DHX35: variants seen among roughly 807,000 people sequenced by gnomAD.
The protein encoded by DHX35 is probable ATP-dependent RNA helicase DHX35.
A neutral mutation model predicts 99.6 loss-of-function variants in DHX35; 84 were observed. That is an observed-to-expected ratio of 0.84 (90% CI 0.71 to 1.01). DHX35 has a LOEUF of 1.01. DHX35 is among the 50% of genes least tolerant of loss of function. DHX35 has a pLI of 0.00. For missense variants in DHX35, 852 were observed against 888.5 expected, an observed-to-expected ratio of 0.96 and a Z score of 0.52; for synonymous variants, 331 against 316.2, an observed-to-expected ratio of 1.05 and a Z score of -0.50.
intron 13 of DHX35, among the ~76,000 whole-genome samples, chr20:39,013,556 A>T (rs1026259189): frequency 6.6e-6 from 1 of 152,214 alleles, no homozygotes; most frequent in African/African-American, 2.4e-5. Context: ...TTTTGTGGAG[A>T]GGGGGATAAG....
intron 17 of DHX35, among the ~76,000 whole-genome samples, 178 bp from the exon 18 acceptor site, chr20:39,025,052 G>A (rs181361556): frequency 1.1e-3 from 168 of 152,324 alleles, no homozygotes; most frequent in African/African-American, 4.0e-3. Flanking sequence ...GCAGTCAGAT[G>A]TGTGCAAGGT....
At chr20:38,981,609 A>G (rs1262194786) in intron 3 of DHX35, among the ~76,000 whole-genome samples, 1 of 151,952 alleles carries the variant, frequency 6.6e-6, no homozygotes, top group Non-Finnish European at 1.5e-5. Flanking sequence ...TTTTTCCTAC[A>G]CAAGCCCTGG....
intron 3 of DHX35, among the ~76,000 whole-genome samples, chr20:38,973,536 T>C (rs1486107881): frequency 2.0e-5 from 3 of 152,238 alleles, no homozygotes; most frequent in Non-Finnish European, 1.5e-5. Context: ...TTCTGGCTAC[T>C]AACCTCATAA....
intron 14 of DHX35, among the ~76,000 whole-genome samples, chr20:39,016,588 T>C (rs1262093216): frequency 2.0e-5 from 3 of 152,362 alleles, no homozygotes; most frequent in Non-Finnish European, 4.4e-5. Context: ...ATATAAATAA[T>C]GCTGCTATAA....
Position 39,002,797 on chromosome 20 carries a change from A to C in DHX35, c.781A>C (p.Thr261Pro), listed in dbSNP as rs139394275. 3.1e-6 allele frequency: 5 copies of C among 1,614,180 alleles called. No individual in the cohort carries two copies. The highest frequency in any genetic ancestry group is 3.4e-6 in the Non-Finnish European group (4 of 1,180,022). The change falls in exon 10 of 22, where the codon ACT becomes CCT. Residue 261 changes from threonine (T) to proline (P), a missense_variant. Physicochemically the swap from Thr to Pro is conservative, Grantham distance 38. Transcript: ENST00000252011. ...QSPVPDYIKS[T>P]VETVVKIHQT... is the part of the protein sequence containing the mutation. Reference sequence around the variant, plus strand: ...TCCTGTTCCAGATTATATCAAATCAACTGTCGAAACTGTGGTGAAAATTCA... The same window carrying C: ...TCCTGTTCCAGATTATATCAAATCACCTGTCGAAACTGTGGTGAAAATTCA...
At chr20:39,000,798 T>C (rs2086506309) in intron 8 of DHX35, among the ~76,000 whole-genome samples, 1 of 152,002 alleles carries the variant, frequency 6.6e-6, no homozygotes, top group South Asian at 2.1e-4. Flanking sequence ...AGGTGGGGAA[T>C]GGAAAGGGCA....
intron 14 of DHX35, among the ~76,000 whole-genome samples, chr20:39,016,486 C>A (rs542894942): frequency 6.6e-6 from 1 of 152,320 alleles, no homozygotes; most frequent in South Asian, 2.1e-4. Context: ...CCCCTTTTAT[C>A]ACTGAATAAT....
At chr20:38,980,376 T>G (rs968429151) in intron 3 of DHX35, among the ~76,000 whole-genome samples, 2 of 152,184 alleles carry the variant, frequency 1.3e-5, no homozygotes, top group African/African-American at 4.8e-5. Context: ...ATCTGTGTAT[T>G]GTTGATGATG....
At chr20:39,035,150 C>T (rs2087128289) in intron 21 of DHX35, among the ~76,000 whole-genome samples, 1 of 152,188 alleles carries the variant, frequency 6.6e-6, no homozygotes, top group East Asian at 1.9e-4. Context: ...CAGCTCACTG[C>T]AACCTCTGCT....
At chr20:38,976,331 A>AGT (rs1367175405) in intron 3 of DHX35, among the ~76,000 whole-genome samples, 2 of 128,616 alleles carry the variant, frequency 1.6e-5, no homozygotes, top group Non-Finnish European at 1.6e-5. Context: ...TTTACAGAGA[A>AGT]GTGTCTGTGT....
chr20:39,003,640 C>T, intron 10 of DHX35, 109 bp from the exon 11 acceptor site: 1 of 1,323,792 alleles, frequency 7.6e-7, no homozygotes, highest in South Asian at 1.5e-5. Context: ...ATTCTTGAAT[C>T]TGACCAAAAT....
At chr20:38,980,394 C>T (rs1289389044) in intron 3 of DHX35, among the ~76,000 whole-genome samples, 4 of 151,986 alleles carry the variant, frequency 2.6e-5, no homozygotes, top group Non-Finnish European at 5.9e-5. Context: ...ATGATGTTAC[C>T]TTCCTTATAG....
intron 7 of DHX35, 25 bp downstream of exon 7, chr20:38,992,450 A>T: frequency 6.2e-7 from 1 of 1,610,382 alleles, no homozygotes; most frequent in Non-Finnish European, 8.5e-7. Context: ...CCAGCTTTTC[A>T]TTGTGTGTGT....
intron 20 of DHX35, 79 bp downstream of exon 20, chr20:39,030,854 G>GTCAAGAA: frequency 1.3e-6 from 2 of 1,489,126 alleles, no homozygotes; most frequent in African/African-American, 1.4e-5. Flanking sequence ...CATGTTTCTT[G>GTCAAGAA]ACATCGCCTC....
At chr20:39,004,687 T>C (rs2086584271) in intron 11 of DHX35, among the ~76,000 whole-genome samples, 1 of 152,230 alleles carries the variant, frequency 6.6e-6, no homozygotes, top group African/African-American at 2.4e-5. Flanking sequence ...AAGCATTGGT[T>C]TGAAGGAGCT....
intron 10 of DHX35, 33 bp from the exon 11 acceptor site, chr20:39,003,715 TC>T (rs1281746567): frequency 6.3e-7 from 1 of 1,591,104 alleles, no homozygotes; most frequent in African/African-American, 1.3e-5. Flanking sequence ...TAAATTGATC[TC>T]GGTTTCTTTG....
intron 1 of DHX35, 149 bp from the exon 2 acceptor site, chr20:38,968,932 T>C: frequency 2.1e-6 from 2 of 952,242 alleles, no homozygotes; most frequent in South Asian, 2.6e-5. Context: ...CTGGATTCTT[T>C]CCTAAAGTTA....
chr20:39,007,285 T>C lies in DHX35; in HGVS notation c.1222+929T>C, dbSNP rs147157844. On this transcript the variant is annotated intron_variant, in intron 12 of 21. Coordinates refer to ENST00000252011, the MANE Select transcript of DHX35 (RefSeq NM_021931.4). ...AGCACCTGCTGTATGCTGGCCACGG[T>C]GCTAGAGCTTGGAGATCTGGGGCTA... Among the ~76,000 whole-genome samples the C allele has an allele frequency of 1.2e-4, 18 of 152,334 alleles. No individual in the cohort carries two copies. The East Asian group carries it at 3.3e-3, about 28-fold the overall frequency.
intron 20 of DHX35, among the ~76,000 whole-genome samples, chr20:39,033,732 C>T (rs1261604155): frequency 6.6e-6 from 1 of 152,162 alleles, no homozygotes; most frequent in African/African-American, 2.4e-5. Flanking sequence ...AATTTATTTA[C>T]AGTGCAAGAT....
Sources: gnomAD v4.1 joint callset for allele counts (sites outside exome capture counted in the v4.1 genomes callset) on GRCh38, gnomAD v4.1.1 for gene constraint, MANE v1.5 for transcripts, NCBI Gene and HGNC (gene_info 2026-07-23, HGNC 2026-07-21) for gene names.